The following WWOX variants were observed in gnomAD, a reference collection of about 807,000 sequenced individuals.
The protein encoded by WWOX is WW domain-containing oxidoreductase.
A neutral mutation model predicts 46.2 loss-of-function variants in WWOX; 69 were observed. The observed-to-expected ratio is 1.49, with a 90% CI of 1.23 to 1.82. WWOX has a LOEUF of 1.82. WWOX is among the 40% of genes most tolerant of loss of function. The probability of loss-of-function intolerance (pLI) is 0.00; values close to 1 mark genes in which losing one functional copy is unlikely to be tolerated. For missense variants in WWOX, 919 were observed against 542.6 expected, an observed-to-expected ratio of 1.69 and a Z score of -6.89; for synonymous variants, 359 against 202.6, an observed-to-expected ratio of 1.77 and a Z score of -6.56.
At chr16:78,368,889 G>A (rs1258498344) in intron 5 of WWOX, among the ~76,000 whole-genome samples, 9 of 152,152 alleles carry the variant, frequency 5.9e-5, no homozygotes, top group Non-Finnish European at 1.0e-4. Context: ...TGACAGAATG[G>A]TACATCCCAC....
chr16:78,228,811 T>C (rs2037154143), intron 5 of WWOX, among the ~76,000 whole-genome samples: 1 of 152,162 alleles, frequency 6.6e-6, no homozygotes, highest in Non-Finnish European at 1.5e-5. Context: ...TTTACCACTC[T>C]CTCCTTCCTG....
At position 78,362,822 on chromosome 16, in the gene WWOX, A is replaced by C. The variant is rs1390160067; in HGVS notation, c.517-24038A>C. On this transcript the variant is annotated intron_variant, in intron 5 of 8. Coordinates refer to ENST00000566780, the MANE Select transcript of WWOX (RefSeq NM_016373.4). Reference sequence around the variant, plus strand: ...TCTTCTTTAATCATCTCACAATCTTATGAAGGAGATACTAGTATTTTGCTT... The same window carrying C: ...TCTTCTTTAATCATCTCACAATCTTCTGAAGGAGATACTAGTATTTTGCTT... Among the ~76,000 whole-genome samples the C allele has an allele frequency of 2.0e-5, 3 of 152,172 alleles. No individual in the cohort carries two copies. In the East Asian group the frequency reaches 5.8e-4, roughly 29 times the overall value.
intron 5 of WWOX, chr16:78,281,115 G>A (rs935345401): frequency 3.3e-5 from 5 of 152,158 alleles, no homozygotes; most frequent in Non-Finnish European, 5.9e-5. Context: ...TAATAAAAGC[G>A]AGATATTTCA....
At chr16:78,553,109 C>T (rs928481258) in intron 8 of WWOX, 2 of 152,190 alleles carry the variant, frequency 1.3e-5, no homozygotes, top group Non-Finnish European at 2.9e-5. Flanking sequence ...GGAAACAACA[C>T]ACACTGGGGC....
intron 8 of WWOX, among the ~76,000 whole-genome samples, chr16:78,661,171 C>T (rs996510050): frequency 3.9e-5 from 6 of 152,102 alleles, no homozygotes; most frequent in Non-Finnish European, 5.9e-5. Flanking sequence ...CTAAACTGTC[C>T]TCTAGAATGG....
chr16:78,111,959 C>G (rs992425237), intron 3 of WWOX: 1 of 154,728 alleles, frequency 6.5e-6, no homozygotes, highest in African/African-American at 2.4e-5. Context: ...TTACCCTGCC[C>G]CCTTGTCTTG....
intron 8 of WWOX, among the ~76,000 whole-genome samples, chr16:78,598,709 G>C (rs2045550946): frequency 6.6e-6 from 1 of 152,156 alleles, no homozygotes. Flanking sequence ...AAATGCAAAA[G>C]GAGTTAATAT....
intron 8 of WWOX, among the ~76,000 whole-genome samples, chr16:78,888,642 T>C (rs2044519573): frequency 6.6e-6 from 1 of 152,100 alleles, no homozygotes; most frequent in Non-Finnish European, 1.5e-5. Flanking sequence ...CCAGAACTTA[T>C]TTTTATGTTG....
intron 5 of WWOX, among the ~76,000 whole-genome samples, chr16:78,240,402 G>A (rs1281424517): frequency 1.3e-5 from 2 of 152,172 alleles, no homozygotes; most frequent in Non-Finnish European, 2.9e-5. Context: ...GCAGAGATTG[G>A]AGTGATGCGT....
intron 8 of WWOX, among the ~76,000 whole-genome samples, chr16:78,593,292 C>T (rs1282465031): frequency 2.6e-5 from 4 of 152,200 alleles, no homozygotes; most frequent in African/African-American, 4.8e-5. Flanking sequence ...CCAGCCACCT[C>T]GGCCTCCCAA....
At chr16:78,653,578 C>G (rs1267820820) in intron 8 of WWOX, among the ~76,000 whole-genome samples, 4 of 152,222 alleles carry the variant, frequency 2.6e-5, no homozygotes, top group African/African-American at 9.6e-5. Context: ...TTCCTCTGGA[C>G]ACTGGCGCAG....
intron 8 of WWOX, among the ~76,000 whole-genome samples, chr16:78,574,133 A>G (rs1413705489): frequency 1.3e-5 from 2 of 152,196 alleles, no homozygotes; most frequent in South Asian, 2.1e-4. Flanking sequence ...TAGAGGCATC[A>G]ACAGTTCCTG....
intron 5 of WWOX, among the ~76,000 whole-genome samples, chr16:78,236,751 G>A (rs35958061): frequency 0.1 from 15,784 of 152,110 alleles, 1,090 homozygotes; most frequent in Non-Finnish European, 0.15. Flanking sequence ...ATGGAATCTG[G>A]GAATGGATGA....
intron 4 of WWOX, among the ~76,000 whole-genome samples, chr16:78,126,999 C>G (rs113059724): frequency 6.6e-6 from 1 of 152,152 alleles, no homozygotes; most frequent in East Asian, 1.9e-4. Flanking sequence ...AAAATAGCTT[C>G]GCTGACAGTT....
At chr16:78,747,683 A>G (rs1319067966) in intron 8 of WWOX, among the ~76,000 whole-genome samples, 2 of 152,154 alleles carry the variant, frequency 1.3e-5, no homozygotes, top group East Asian at 1.9e-4. Context: ...CTGAATATGT[A>G]TACAATTGTT....
intron 5 of WWOX, among the ~76,000 whole-genome samples, chr16:78,274,608 C>T (rs1257042522): frequency 2.0e-5 from 3 of 152,112 alleles, no homozygotes; most frequent in Non-Finnish European, 4.4e-5. Flanking sequence ...CAATGTTGCT[C>T]ATCAGGGTAA....
intron 6 of WWOX, among the ~76,000 whole-genome samples, chr16:78,394,242 C>G (rs7184665): frequency 0.93 from 140,911 of 152,244 alleles, 65,462 homozygotes; most frequent in African/African-American, 0.98. Context: ...AGAAGATCAT[C>G]TTGCTTTGCT....
chr16:79,105,727 A>T (rs536595974), intron 8 of WWOX, among the ~76,000 whole-genome samples: 1 of 151,716 alleles, frequency 6.6e-6, no homozygotes, highest in Non-Finnish European at 1.5e-5. Context: ...CAGTAGTGCA[A>T]TCTTGGCTCA....
At chr16:78,840,764 A>T (rs1156295759) in intron 8 of WWOX, among the ~76,000 whole-genome samples, 3 of 151,760 alleles carry the variant, frequency 2.0e-5, no homozygotes, top group Non-Finnish European at 4.4e-5. Flanking sequence ...ATATGTATAT[A>T]TATATGTGGT....
Sources: allele counts gnomAD v4.1 joint callset (sites outside exome capture counted in the v4.1 genomes callset), GRCh38; gene constraint gnomAD v4.1.1; transcripts MANE v1.5; gene names NCBI Gene and HGNC (gene_info 2026-07-23, HGNC 2026-07-21).